Variants in EXOC4 observed in about 807,000 individuals in gnomAD.
EXOC4 encodes exocyst complex component 4, also known as SEC8-like 1.
A neutral mutation model predicts 107.2 loss-of-function variants in EXOC4; 71 were observed. The observed-to-expected ratio is 0.66, with a 90% CI of 0.55 to 0.81. EXOC4 has a LOEUF of 0.81. Ranked by LOEUF, EXOC4 falls within the 30% of genes least tolerant of loss-of-function variation. The pLI is 0.00. For missense variants in EXOC4, 1,108 were observed against 1,189.6 expected, an observed-to-expected ratio of 0.93 and a Z score of 1.01; for synonymous variants, 456 against 441.2, an observed-to-expected ratio of 1.03 and a Z score of -0.42.
At chr7:133,902,696 C>T (rs765473007) in intron 12 of EXOC4, among the ~76,000 whole-genome samples, 5 of 151,732 alleles carry the variant, frequency 3.3e-5, no homozygotes, top group Admixed American at 6.6e-5. Context: ...CTACTAAAAA[C>T]GCCAAAAAAT....
chr7:133,908,514 G>A (rs992526149), intron 12 of EXOC4, among the ~76,000 whole-genome samples: 1 of 152,224 alleles, frequency 6.6e-6, no homozygotes, highest in African/African-American at 2.4e-5. Flanking sequence ...AAAATAGACT[G>A]CAGAACAGCG....
intron 5 of EXOC4, among the ~76,000 whole-genome samples, chr7:133,324,987 T>A (rs1442362529): frequency 6.6e-6 from 1 of 152,188 alleles, no homozygotes; most frequent in Non-Finnish European, 1.5e-5. Flanking sequence ...TCTCTTTTGA[T>A]CTTTGTTGGT....
chr7:133,438,453 A>G (rs142139016), intron 7 of EXOC4, among the ~76,000 whole-genome samples: 3 of 152,198 alleles, frequency 2.0e-5, no homozygotes, highest in East Asian at 3.9e-4. Context: ...ATATTATGAC[A>G]TTAGTTTCTT....
intron 10 of EXOC4, among the ~76,000 whole-genome samples, chr7:133,719,970 C>T (rs1562923191): frequency 6.6e-6 from 1 of 152,078 alleles, no homozygotes; most frequent in African/African-American, 2.4e-5. Context: ...ATTCATTGGA[C>T]CTTATCCCAC....
chr7:133,508,340 G>A (rs560081411), intron 9 of EXOC4, among the ~76,000 whole-genome samples: 1 of 152,146 alleles, frequency 6.6e-6, no homozygotes, highest in South Asian at 2.1e-4. Flanking sequence ...TCTGAGATGG[G>A]GTCTGAAAAT....
intron 11 of EXOC4, among the ~76,000 whole-genome samples, chr7:133,869,297 A>G (rs115988348): frequency 0.013 from 1,950 of 151,984 alleles, 45 homozygotes; most frequent in African/African-American, 0.044. Context: ...AACGTGGTAT[A>G]ATAGAAAGAG....
intron 9 of EXOC4, among the ~76,000 whole-genome samples, chr7:133,499,554 A>G (rs1168842709): frequency 2.0e-5 from 3 of 152,170 alleles, no homozygotes; most frequent in African/African-American, 7.2e-5. Flanking sequence ...GGGTATGTAT[A>G]TAATTATTTT....
At chr7:133,734,981 C>T (rs1303869146) in intron 10 of EXOC4, among the ~76,000 whole-genome samples, 3 of 139,022 alleles carry the variant, frequency 2.2e-5, no homozygotes, top group Non-Finnish European at 4.6e-5. Flanking sequence ...GAGGCTGAGG[C>T]GGGTGGATCA....
At chr7:133,742,668 A>G (rs1795590566) in intron 10 of EXOC4, among the ~76,000 whole-genome samples, 1 of 152,212 alleles carries the variant, frequency 6.6e-6, no homozygotes, top group South Asian at 2.1e-4. Context: ...GTGATACATT[A>G]ATATTCACGA....
intron 5 of EXOC4, among the ~76,000 whole-genome samples, chr7:133,346,743 A>G (rs1384697874): frequency 6.6e-6 from 1 of 152,180 alleles, no homozygotes; most frequent in Admixed American, 6.5e-5. Context: ...ATAGAGGGAT[A>G]ATATTCTTGA....
intron 7 of EXOC4, among the ~76,000 whole-genome samples, chr7:133,395,741 G>C (rs1796957576): frequency 6.6e-6 from 1 of 152,172 alleles, no homozygotes. Context: ...CTGTATTTCT[G>C]TGGGGATTTA....
At chr7:133,622,226 C>T (rs1016352617) in intron 9 of EXOC4, among the ~76,000 whole-genome samples, 3 of 152,134 alleles carry the variant, frequency 2.0e-5, no homozygotes, top group Non-Finnish European at 2.9e-5. Context: ...CCTCCCATCT[C>T]GGCCTCCCAT....
intron 5 of EXOC4, among the ~76,000 whole-genome samples, chr7:133,337,402 A>C (rs1258485789): frequency 6.6e-6 from 1 of 151,924 alleles, no homozygotes; most frequent in Non-Finnish European, 1.5e-5. Context: ...CAACATTTTC[A>C]CTTTTTTTCT....
chr7:133,485,516 C>T (rs1309436687), intron 9 of EXOC4, among the ~76,000 whole-genome samples: 1 of 152,056 alleles, frequency 6.6e-6, no homozygotes, highest in Non-Finnish European at 1.5e-5. Context: ...GCCCTTTTCT[C>T]ATTGTTGTCT....
chr7:133,855,094 T>TATATAA (rs1554409757), intron 11 of EXOC4, among the ~76,000 whole-genome samples: 1 of 84,428 alleles, frequency 1.2e-5, no homozygotes, highest in African/African-American at 6.0e-5. Flanking sequence ...TATATATAAA[T>TATATAA]ATATATATAA....
intron 11 of EXOC4, among the ~76,000 whole-genome samples, chr7:133,831,427 G>A (rs1299611076): frequency 1.3e-5 from 2 of 152,256 alleles, no homozygotes; most frequent in East Asian, 3.9e-4. Context: ...TTATTTGTCA[G>A]TATAGACTTA....
chr7:133,390,615 C>T lies in EXOC4; in HGVS notation c.1182+15613C>T, dbSNP rs779245894. ...TAGTTCCTTCAGAAGCCCAGCCTGA[C>T]CTCCATCATGAGAGAACTAGTTAGT... On this transcript the variant is annotated intron_variant, in intron 7 of 17. Coordinates refer to ENST00000253861, the MANE Select transcript of EXOC4 (RefSeq NM_021807.4). Among the ~76,000 whole-genome samples, 16 of 152,128 alleles carry T rather than the reference C, an allele frequency of 1.1e-4. 1 individual carries two copies. Among genetic ancestry groups the T allele is most frequent in the Admixed American group, 3.3e-4 (5 of 15,280 alleles).
intron 11 of EXOC4, among the ~76,000 whole-genome samples, chr7:133,824,794 C>A (rs778798665): frequency 6.6e-6 from 1 of 152,084 alleles, no homozygotes; most frequent in Non-Finnish European, 1.5e-5. Flanking sequence ...GGCGTTCTCC[C>A]GTGTGTCTCC....
At chr7:134,025,040 C>T (rs1477763563) in intron 17 of EXOC4, among the ~76,000 whole-genome samples, 3 of 152,196 alleles carry the variant, frequency 2.0e-5, no homozygotes, top group African/African-American at 7.2e-5. Flanking sequence ...TATTTCTGCT[C>T]CCTTTCCAAG....
Sources: allele counts gnomAD v4.1 joint callset (sites outside exome capture counted in the v4.1 genomes callset), GRCh38; gene constraint gnomAD v4.1.1; transcripts MANE v1.5; gene names NCBI Gene and HGNC (gene_info 2026-07-23, HGNC 2026-07-21).